The following EPB41 variants were observed in gnomAD, a reference collection of about 807,000 sequenced individuals.
The protein encoded by EPB41 is erythrocyte membrane protein band 4.1, also known as protein 4.1.
EPB41 carries 65 observed loss-of-function variants against 108.0 expected under a neutral mutation model. That is an observed-to-expected ratio of 0.60 (90% confidence interval 0.49 to 0.74). The LOEUF is 0.74. Ranked by LOEUF, EPB41 falls within the 30% of genes least tolerant of loss-of-function variation. The pLI is 0.00. For synonymous variants in EPB41, 336 were observed against 358.9 expected (o/e 0.94, Z 0.72); for missense variants, 875 against 1,037.0 (o/e 0.84, Z 2.15).
rs776306985 is a variant in EPB41, at chr1:29,039,212, G to T, written c.1464-42G>T. On this transcript the variant is annotated intron_variant, in intron 10 of 20. Coordinates refer to ENST00000343067, the MANE Select transcript of EPB41 (RefSeq NM_001376013.1). Reference sequence around the variant, plus strand: ...TAATTTTACAGTTTTAGAATAATAAGATGAATATATAATAATATGACTATT... The same window carrying T: ...TAATTTTACAGTTTTAGAATAATAATATGAATATATAATAATATGACTATT... 5.7e-6 allele frequency: 9 copies of T among 1,573,482 alleles called. No individual in the cohort carries two copies. In the South Asian group the frequency reaches 1.0e-4, roughly 18 times the overall value.
At chr1:29,038,861 G>T (rs1640469774) in intron 10 of EPB41, among the ~76,000 whole-genome samples, 1 of 152,228 alleles carries the variant, frequency 6.6e-6, no homozygotes, top group Non-Finnish European at 1.5e-5. Flanking sequence ...AGTGGAAAAA[G>T]AGCTCTGGGC....
At chr1:28,966,902 CAGTGGATGATCTAACTGTACTTTT>C (rs1320095262) in intron 1 of EPB41, among the ~76,000 whole-genome samples, 1 of 151,734 alleles carries the variant, frequency 6.6e-6, no homozygotes, top group African/African-American at 2.4e-5. Flanking sequence ...GGTTTCTGGT[CAGTGGATGATCTAACTGTACTTTT>C]AGTAGGATCA....
Position 28,887,259 on chromosome 1 carries a change from G to C in EPB41, c.-8+49G>C. On this transcript the variant is annotated intron_variant, in intron 1 of 16. Coordinates refer to the EPB41 transcript ENST00000347529. The surrounding 1 kb of genome is among the most constrained non-coding windows in gnomAD (Gnocchi z 4.9). ...CGACCCTCGGTCCCCGGGAGGGACG[G>C]GGTTAGGGACAGAAGAACCTACCCC... 7.9e-7 allele frequency: 1 copy of C among 1,273,846 alleles called. No individual in the cohort carries two copies. 78.9% of individuals were successfully genotyped at this position (1,273,846 alleles called of 1,614,324 possible).
At chr1:29,106,349 A>G (rs1667130372) in intron 17 of EPB41, among the ~76,000 whole-genome samples, 1 of 152,182 alleles carries the variant, frequency 6.6e-6, no homozygotes, top group African/African-American at 2.4e-5. Flanking sequence ...TTCATGTTAT[A>G]ACAATTTATA....
chr1:29,083,867 G>T (rs937897322), intron 16 of EPB41, among the ~76,000 whole-genome samples: 2 of 152,086 alleles, frequency 1.3e-5, no homozygotes, highest in Admixed American at 1.3e-4. Context: ...CAAAGCACTC[G>T]CAATTAACTG....
intron 19 of EPB41, among the ~76,000 whole-genome samples, chr1:29,114,726 C>G (rs564271603): frequency 6.6e-6 from 1 of 151,396 alleles, no homozygotes; most frequent in African/African-American, 2.4e-5. Flanking sequence ...GTTTCCTCAC[C>G]TATAAAATGC....
chr1:29,085,424 C>T (rs932467784), intron 16 of EPB41, among the ~76,000 whole-genome samples: 2 of 152,042 alleles, frequency 1.3e-5, no homozygotes, highest in African/African-American at 2.4e-5. Context: ...GGATTACAGG[C>T]GTGAGCCACC....
chr1:28,892,577 C>T (rs1246494977), intron 1 of EPB41, among the ~76,000 whole-genome samples: 2 of 151,652 alleles, frequency 1.3e-5, no homozygotes, highest in African/African-American at 2.4e-5. Flanking sequence ...CAAAAATACA[C>T]GGTGGCATGC....
intron 17 of EPB41, among the ~76,000 whole-genome samples, chr1:29,100,614 A>G (rs1664984738): frequency 1.4e-5 from 2 of 147,310 alleles, no homozygotes; most frequent in African/African-American, 4.9e-5. Context: ...ACAAAGTAAG[A>G]CCCCCATCTC....
chr1:28,926,541 G>A (rs1036197699), intron 1 of EPB41, among the ~76,000 whole-genome samples: 2 of 152,130 alleles, frequency 1.3e-5, no homozygotes, highest in African/African-American at 4.8e-5. Context: ...TGGGGAAGGA[G>A]AGATTTGGAT....
At chr1:29,098,065 T>G (rs890329815) in intron 17 of EPB41, 130 bp downstream of exon 17, 1 of 1,343,780 alleles carries the variant, frequency 7.4e-7, no homozygotes, top group African/African-American at 1.5e-5. Context: ...TAGAAGAGAT[T>G]ACTGGTCTAA....
At chr1:29,111,727 C>T (rs1014090295) in intron 18 of EPB41, among the ~76,000 whole-genome samples, 14 of 152,174 alleles carry the variant, frequency 9.2e-5, no homozygotes, top group Middle Eastern at 3.4e-3. Flanking sequence ...GCCTGTAATC[C>T]AAGCACTTTG....
intron 16 of EPB41, among the ~76,000 whole-genome samples, chr1:29,087,118 G>T (rs1659345518): frequency 6.6e-6 from 1 of 151,370 alleles, no homozygotes; most frequent in South Asian, 2.1e-4. Flanking sequence ...ATTTTTTGGA[G>T]TTTTAGTAGA....
intron 1 of EPB41, among the ~76,000 whole-genome samples, chr1:28,949,900 C>A (rs963583345): frequency 7.9e-5 from 12 of 152,152 alleles, no homozygotes; most frequent in African/African-American, 2.9e-4. Flanking sequence ...CTGTGCCTGG[C>A]CCCACTCTGT....
In EPB41 at chr1:29,058,853, G is replaced by T. The variant is rs1477424620; in HGVS notation, c.1944+1G>T. On this transcript the variant is annotated splice_donor_variant, in intron 14 of 20. Transcript: ENST00000343067. LOFTEE classifies it high-confidence loss of function. ...TGAAGATCTGATAAGAATGAGGAAG[G>T]TTAGCCATTTTTCACTTTCACAAAA... is the stretch of plus-strand genomic sequence containing the variant. 7 of 1,551,064 alleles carry T rather than the reference G, an allele frequency of 4.5e-6. No homozygotes were observed. The highest frequency in any genetic ancestry group is 6.1e-6 in the Non-Finnish European group (7 of 1,146,686).
At chr1:28,938,233 G>T (rs2094128114) in intron 1 of EPB41, among the ~76,000 whole-genome samples, 1 of 152,118 alleles carries the variant, frequency 6.6e-6, no homozygotes. Flanking sequence ...GTCCATTTTT[G>T]TGGAAAAGGT....
intron 1 of EPB41, among the ~76,000 whole-genome samples, chr1:28,972,417 G>T (rs919711881): frequency 7.9e-5 from 12 of 152,186 alleles, no homozygotes; most frequent in African/African-American, 2.9e-4. Context: ...ATTCTCTAGA[G>T]AAGTAAAGAA....
intron 12 of EPB41, among the ~76,000 whole-genome samples, chr1:29,058,159 C>T (rs935830208): frequency 3.3e-5 from 5 of 152,142 alleles, no homozygotes; most frequent in Admixed American, 2.0e-4. Flanking sequence ...ATATGTCATA[C>T]GTTGATAACT....
At chr1:28,997,824 C>T (rs1255954012) in intron 4 of EPB41, among the ~76,000 whole-genome samples, 1 of 152,048 alleles carries the variant, frequency 6.6e-6, no homozygotes. Context: ...ACATTTCCTC[C>T]AACCTAAAAG....
Sources: allele counts gnomAD v4.1 joint callset (sites outside exome capture counted in the v4.1 genomes callset), GRCh38; gene constraint gnomAD v4.1.1; non-coding constraint Gnocchi (gnomAD v3.1); transcripts MANE v1.5; gene names NCBI Gene and HGNC (gene_info 2026-07-23, HGNC 2026-07-21).